The following MYO16 variants were observed in gnomAD, a reference collection of about 807,000 sequenced individuals.
MYO16 encodes the protein unconventional myosin-XVI.
MYO16 carries 94 observed loss-of-function variants against 205.3 expected under a neutral mutation model. The ratio of observed to expected loss-of-function variants is 0.46; its 90% CI spans 0.39 to 0.54. The LOEUF (loss-of-function observed/expected upper bound fraction) is 0.54. Ranked by LOEUF, MYO16 falls within the 20% of genes least tolerant of loss-of-function variation. The pLI is 0.00. For missense variants in MYO16, 2,315 were observed against 2,387.5 expected (o/e 0.97, Z 0.63); for synonymous variants, 988 against 954.0 (o/e 1.04, Z -0.66).
chr13:109,140,882 C>T lies in MYO16; in HGVS notation c.4670C>T (p.Ser1557Leu). 6.3e-7 allele frequency: 1 copy of T among 1,594,458 alleles called. No individual in the cohort carries two copies. Among genetic ancestry groups the T allele is most frequent in the African/African-American group, 1.4e-5 (1 of 72,348 alleles). The change falls in exon 32 of 35, where the codon TCG (serine) becomes TTG (leucine). Residue 1557 changes from serine (S) to leucine (L), a missense_variant. Physicochemically the swap from Ser to Leu is moderately radical, Grantham distance 145. Around this residue, in one of 3 missense-constraint regions of MYO16, gnomAD observed 1,097 missense variants for 1,092.0 expected, o/e 1.00. Coordinates refer to ENST00000457511, the MANE Select transcript of MYO16 (RefSeq NM_001198950.3). This position sits in a 1 kb window ranked among gnomAD's most constrained non-coding sequence, Gnocchi z 8.0. ...AAGTACCCCGTGCAGCCGGAGGGGTCGAGCCCGCTGTCCCCGCAGTACTCC... is the reference window on the plus strand; with the variant it reads ...AAGTACCCCGTGCAGCCGGAGGGGTTGAGCCCGCTGTCCCCGCAGTACTCC... ...NLKYPVQPEG[S>L]SPLSPQYSKS...
chr13:109,011,498 C>CTT (rs34575828), intron 22 of MYO16, among the ~76,000 whole-genome samples: 14,024 of 129,740 alleles, frequency 0.11, 874 homozygotes, highest in African/African-American at 0.17. Flanking sequence ...TTCTTCCTTT[C>CTT]TTTTTTTTTT....
chr13:109,049,977 T>TGTGTGTGTGTGTGTG (rs1594502552), intron 24 of MYO16, among the ~76,000 whole-genome samples: 1 of 149,954 alleles, frequency 6.7e-6, no homozygotes, highest in Admixed American at 6.7e-5. Flanking sequence ...TGTGTGTGTG[T>TGTGTGTGTGTGTGTG]TTACTTTCTG....
intron 4 of MYO16, among the ~76,000 whole-genome samples, chr13:108,741,607 G>T (rs1884912297): frequency 6.6e-6 from 1 of 152,124 alleles, no homozygotes; most frequent in Non-Finnish European, 1.5e-5. Flanking sequence ...TCATCATTCT[G>T]TTCAGGCTTA....
intron 34 of MYO16, among the ~76,000 whole-genome samples, chr13:109,188,085 T>C (rs1236210860): frequency 6.6e-6 from 1 of 152,252 alleles, no homozygotes; most frequent in Non-Finnish European, 1.5e-5. Context: ...CTATTCATCA[T>C]TATACAATTT....
chr13:108,902,467 CAG>C (rs1258825928), intron 15 of MYO16, among the ~76,000 whole-genome samples: 4 of 152,188 alleles, frequency 2.6e-5, no homozygotes, highest in Non-Finnish European at 5.9e-5. Flanking sequence ...TAGATTATGT[CAG>C]TGTTCAAAAG....
the MYO16 span, among the ~76,000 whole-genome samples, chr13:108,580,190 T>A: frequency 3.3e-5 from 5 of 152,222 alleles, no homozygotes; most frequent in African/African-American, 1.2e-4. Context: ...TTTGCTATAC[T>A]GCATCCCTGG....
intron 32 of MYO16, among the ~76,000 whole-genome samples, chr13:109,144,269 C>G (rs1374290216): frequency 1.3e-5 from 2 of 152,158 alleles, no homozygotes; most frequent in Non-Finnish European, 2.9e-5. Context: ...CCCGCCTCAG[C>G]CTCCCAAAGT....
At chr13:108,782,001 A>C (rs1351304417) in intron 4 of MYO16, among the ~76,000 whole-genome samples, 2 of 152,192 alleles carry the variant, frequency 1.3e-5, no homozygotes, top group African/African-American at 2.4e-5. Context: ...TAGCAGTGTA[A>C]AAACGAACTG....
intron 1 of MYO16, among the ~76,000 whole-genome samples, chr13:108,604,219 T>C (rs1461831817): frequency 6.6e-6 from 1 of 151,992 alleles, no homozygotes; most frequent in Admixed American, 6.6e-5. Context: ...GGATTGCAAT[T>C]TAAGATGAGA....
In MYO16 at chr13:109,007,160, G is replaced by A. The variant is rs574445709; in HGVS notation, c.2443-1737G>A. Among the ~76,000 whole-genome samples, 13 of 152,212 alleles carry A rather than the reference G, an allele frequency of 8.5e-5. No individual in the cohort carries two copies. In the East Asian group the frequency reaches 1.7e-3, roughly 20 times the overall value. On this transcript the variant is annotated intron_variant, in intron 21 of 34. Coordinates refer to ENST00000457511, the MANE Select transcript of MYO16 (RefSeq NM_001198950.3). ...TCCCAGCACTTTGGGAGGCCAAGGC[G>A]GGTGGATCACGAGGTCAGGAGATCT...
intron 10 of MYO16, among the ~76,000 whole-genome samples, chr13:108,848,913 C>T (rs182539310): frequency 4.6e-5 from 7 of 152,258 alleles, no homozygotes; most frequent in Admixed American, 2.0e-4. Context: ...TTCTAAGATC[C>T]GCTAAAACTT....
intron 2 of MYO16, among the ~76,000 whole-genome samples, chr13:108,684,532 C>G (rs1270771586): frequency 6.6e-6 from 1 of 152,186 alleles, no homozygotes; most frequent in Non-Finnish European, 1.5e-5. Context: ...ACCTTAGTTT[C>G]TGACACAGAG....
At position 108,806,716 on chromosome 13, in the gene MYO16, T is replaced by A. The variant is rs762901527; in HGVS notation, c.779T>A (p.Val260Glu). The A allele has an allele frequency of 6.2e-7, 1 of 1,613,338 alleles. No homozygotes were observed. The highest frequency in any genetic ancestry group is 8.5e-7 in the Non-Finnish European group (1 of 1,179,388). ...TGTGCGAGTGGCTACAAGGAGGTGG[T>A]GTCTCTTATCCTGGAACATGGTGGA... ...MACASGYKEV[V>E]SLILEHGGDL... Residue 260 changes from valine (V) to glutamate (E), a missense_variant, in exon 7 of 35, where the codon GTG becomes GAG. This residue lies in a region of MYO16 where 1,213 missense variants were observed against 1,274.4 expected (regional missense o/e 0.95). Transcript: ENST00000457511.
chr13:109,193,142 T>A (rs925034001), intron 34 of MYO16, among the ~76,000 whole-genome samples: 4 of 151,764 alleles, frequency 2.6e-5, no homozygotes, highest in Non-Finnish European at 4.4e-5. Flanking sequence ...TCTCTCTCTC[T>A]CACACACACA....
chr13:108,497,609 T>C, the MYO16 span, among the ~76,000 whole-genome samples: 1 of 152,206 alleles, frequency 6.6e-6, no homozygotes, highest in Non-Finnish European at 1.5e-5. Flanking sequence ...CAGAATGCTA[T>C]GGTTGGGTTT....
At chr13:108,782,065 A>C (rs574216120) in intron 4 of MYO16, among the ~76,000 whole-genome samples, 2 of 152,342 alleles carry the variant, frequency 1.3e-5, no homozygotes, top group East Asian at 1.9e-4. Context: ...ATACCCAAAA[A>C]TGTGGAAGCA....
chr13:108,691,896 T>G (rs1165631273), intron 2 of MYO16, among the ~76,000 whole-genome samples: 1 of 152,208 alleles, frequency 6.6e-6, no homozygotes, highest in African/African-American at 2.4e-5. Flanking sequence ...TTTCTGAATC[T>G]TTAGGAAACA....
intron 1 of MYO16, chr13:108,596,273 T>A (rs1004108238): frequency 1.3e-5 from 2 of 152,196 alleles, no homozygotes; most frequent in Non-Finnish European, 2.9e-5. Flanking sequence ...CTCTTCCTTT[T>A]AGAAGAACAG....
chr13:108,617,264 G>A (rs959168545), intron 1 of MYO16, among the ~76,000 whole-genome samples: 8 of 152,162 alleles, frequency 5.3e-5, no homozygotes, highest in Non-Finnish European at 8.8e-5. Context: ...TTTGATGGGA[G>A]CACAGAATCT....
Sources: gnomAD v4.1 joint callset for allele counts (sites outside exome capture counted in the v4.1 genomes callset) on GRCh38, gnomAD v4.1.1 for gene constraint, gnomAD v4.1.1 regional missense constraint, Gnocchi (gnomAD v3.1) non-coding constraint, MANE v1.5 for transcripts, NCBI Gene and HGNC (gene_info 2026-07-23, HGNC 2026-07-21) for gene names.